PCDHGB4: variants seen among roughly 807,000 people sequenced by gnomAD.
PCDHGB4 encodes the protein protocadherin gamma subfamily B, 4.
Under a neutral mutation model 60.5 loss-of-function variants are expected in PCDHGB4, and 38 were observed. That is an observed-to-expected ratio of 0.63 (90% CI 0.48 to 0.82). The LOEUF (loss-of-function observed/expected upper bound fraction) is 0.82, where lower values mean the gene tolerates loss of function less well. Among genes scored for constraint, PCDHGB4 ranks in the 40% least tolerant of loss-of-function variants. The pLI, the probability that PCDHGB4 is intolerant of heterozygous loss-of-function variation, is 0.00. For missense variants in PCDHGB4, 1,109 were observed against 1,209.6 expected (o/e 0.92, Z 1.23); for synonymous variants, 456 against 509.7 (o/e 0.89, Z 1.42).
At chr5:141,450,006 C>CTTTTTT (rs1554136305) in intron 1 of PCDHGB4, among the ~76,000 whole-genome samples, 15 of 132,950 alleles carry the variant, frequency 1.1e-4, no homozygotes, top group African/African-American at 2.0e-4. Context: ...TGCCATGTCT[C>CTTTTTT]TTTTTTTTTT....
chr5:141,506,834 C>T (rs2099856597), intron 3 of PCDHGB4, among the ~76,000 whole-genome samples: 1 of 152,140 alleles, frequency 6.6e-6, no homozygotes, highest in Non-Finnish European at 1.5e-5. Flanking sequence ...ACTGATAGCC[C>T]TGCCCTCCAG....
In PCDHGB4 at chr5:141,390,069, C is replaced by A; in HGVS notation, c.2185C>A (p.Leu729Ile). 6.2e-7 allele frequency: 1 copy of A among 1,614,076 alleles called. No individual in the cohort carries two copies. Among genetic ancestry groups the A allele is most frequent in the Non-Finnish European group, 8.5e-7 (1 of 1,179,914 alleles). The change falls in exon 1 of 4, where the codon CTC (leucine) becomes ATC (isoleucine). Residue 729 changes from leucine (L) to isoleucine (I), a missense_variant. Coordinates refer to ENST00000519479, the MANE Select transcript of PCDHGB4 (RefSeq NM_003736.4). ...CTCCTGGAGCTGCTTCCAGCCTGGT[C>A]TCTGTGTTAAATCCGAATCCGTGGT... is the stretch of plus-strand genomic sequence containing the variant. ...PASWSCFQPG[L>I]CVKSESVVPP...
In PCDHGB4 at chr5:141,432,249, A is replaced by G; in HGVS notation, c.2397+41968A>G. The G allele has an allele frequency of 6.2e-7, 1 of 1,614,206 alleles. No individual in the cohort carries two copies. Among genetic ancestry groups the G allele is most frequent in the Non-Finnish European group, 8.5e-7 (1 of 1,180,044 alleles). On this transcript the variant is annotated intron_variant, in intron 1 of 3. Coordinates refer to ENST00000519479, the MANE Select transcript of PCDHGB4 (RefSeq NM_003736.4). The surrounding 1 kb of genome is among the most constrained non-coding windows in gnomAD (Gnocchi z 6.0). ...TATTCCCTGGCTGAGAACACCATCC[A>G]AGGGGCAAGCCTATCGTCCTACGTG...
chr5:141,427,671 A>T (rs1441504057), intron 1 of PCDHGB4: 1 of 798,486 alleles, frequency 1.3e-6, no homozygotes, highest in East Asian at 2.6e-5. Flanking sequence ...GGCCGAAAAC[A>T]ACCTTCCCGG....
intron 1 of PCDHGB4, chr5:141,399,640 G>C: frequency 2.5e-6 from 4 of 1,613,836 alleles, no homozygotes; most frequent in Non-Finnish European, 3.4e-6. Flanking sequence ...GTCCATGAGC[G>C]CGCAAAGTGG....
rs1048686904 is a variant in PCDHGB4, at chr5:141,410,286, C to T, written c.2397+20005C>T. 3.7e-6 allele frequency: 6 copies of T among 1,613,916 alleles called. No homozygotes were observed. The African/African-American group carries it at 6.7e-5, about 18-fold the overall frequency. On this transcript the variant is annotated intron_variant, in intron 1 of 3. Transcript: ENST00000519479. Reference sequence around the variant, plus strand: ...GAACTGCAGTTTTACCTGGTGGTGGCCTTGGCCTTAATCTCAGTGCTCTTC... The same window carrying T: ...GAACTGCAGTTTTACCTGGTGGTGGTCTTGGCCTTAATCTCAGTGCTCTTC...
intron 1 of PCDHGB4, chr5:141,478,511 C>CA: frequency 3.1e-6 from 5 of 1,611,778 alleles, no homozygotes; most frequent in Non-Finnish European, 4.2e-6. Context: ...GTTCTATAGG[C>CA]AGGTGTTGGG....
intron 1 of PCDHGB4, among the ~76,000 whole-genome samples, chr5:141,453,176 C>T (rs1225418058): frequency 6.6e-6 from 1 of 152,042 alleles, no homozygotes; most frequent in Non-Finnish European, 1.5e-5. Flanking sequence ...TCCAGTGGTA[C>T]AATCACAGCT....
chr5:141,476,951 A>C lies in PCDHGB4; in HGVS notation c.2398-17856A>C. On this transcript the variant is annotated intron_variant, in intron 1 of 3. Coordinates refer to ENST00000519479, the MANE Select transcript of PCDHGB4 (RefSeq NM_003736.4). The surrounding 1 kb of genome is among the most constrained non-coding windows in gnomAD (Gnocchi z 7.6). ...TCTGGATGAAGGCCCCAACGGTGAA[A>C]TTATTTACTCCTTCGGCAGCCACAA... 6.2e-7 allele frequency: 1 copy of C among 1,614,184 alleles called. No individual in the cohort carries two copies. Among genetic ancestry groups the C allele is most frequent in the South Asian group, 1.1e-5 (1 of 91,088 alleles).
chr5:141,422,272 A>T, intron 1 of PCDHGB4: 13 of 1,561,362 alleles, frequency 8.3e-6, no homozygotes, highest in Non-Finnish European at 1.1e-5. Context: ...TCCAGAAATA[A>T]CTATCACCTC....
chr5:141,423,594 C>A, intron 1 of PCDHGB4: 1 of 1,599,308 alleles, frequency 6.3e-7, no homozygotes, highest in South Asian at 1.1e-5. Context: ...GTGAGAAAAG[C>A]GAGCCACTCT....
At chr5:141,398,775 C>T in intron 1 of PCDHGB4, 1 of 1,613,926 alleles carries the variant, frequency 6.2e-7, no homozygotes, top group African/African-American at 1.3e-5. Flanking sequence ...CTGCCTTGGA[C>T]GGTGGACATC....
chr5:141,487,810 C>G lies in PCDHGB4; in HGVS notation c.2398-6997C>G, dbSNP rs377060474. ...ATTAACCAGAGTTGTCACAGTTTAGCATTGGGGGCGGGTCATGCCTATATC... is the reference window on the plus strand; with the variant it reads ...ATTAACCAGAGTTGTCACAGTTTAGGATTGGGGGCGGGTCATGCCTATATC... On this transcript the variant is annotated intron_variant, in intron 1 of 3. Coordinates refer to ENST00000519479, the MANE Select transcript of PCDHGB4 (RefSeq NM_003736.4). The surrounding 1 kb of genome is among the most constrained non-coding windows in gnomAD (Gnocchi z 5.0). 7.1e-7 allele frequency: 1 copy of G among 1,417,854 alleles called. No homozygotes were observed. The highest frequency in any genetic ancestry group is 2.1e-5 in the Admixed American group (1 of 47,076). The allele number at this position is 1,417,854 out of a possible 1,614,324, so 87.8% of individuals were successfully genotyped here.
intron 1 of PCDHGB4, chr5:141,427,949 C>T (rs2097092193): frequency 1.3e-6 from 2 of 1,586,882 alleles, no homozygotes; most frequent in South Asian, 1.1e-5. Context: ...ACCTCAATGA[C>T]AATGTGCCGC....
intron 1 of PCDHGB4, among the ~76,000 whole-genome samples, chr5:141,450,267 C>T (rs971441306): frequency 4.6e-5 from 7 of 152,106 alleles, no homozygotes; most frequent in African/African-American, 1.7e-4. Context: ...ATCTGCCCAC[C>T]TCAGCTAAGT....
rs140779776 is a variant in PCDHGB4 at position 141,412,904 on chromosome 5, C to T, written c.2397+22623C>T. On this transcript the variant is annotated intron_variant, in intron 1 of 3. Transcript: ENST00000519479. ...CAACAGAATAGTTTACTTTCCATTG[C>T]ATGTATCACTTGGGTGCAGTAACTT... The T allele has an allele frequency of 4.0e-4, 150 of 378,712 alleles. 3 individuals carry two copies. In the East Asian group the frequency reaches 6.1e-3, roughly 15 times the overall value. 23.5% of individuals were successfully genotyped at this position (378,712 alleles called of 1,614,324 possible).
chr5:141,391,314 T>C (rs2092347404), intron 1 of PCDHGB4: 1 of 151,522 alleles, frequency 6.6e-6, no homozygotes, highest in Non-Finnish European at 1.5e-5. Flanking sequence ...TTCTTTTTTT[T>C]TTCTTTTTTT....
At chr5:141,420,006 G>T in intron 1 of PCDHGB4, 1 of 1,614,052 alleles carries the variant, frequency 6.2e-7, no homozygotes, top group Non-Finnish European at 8.5e-7. Flanking sequence ...CTACGCCTGC[G>T]ACAGTCTTTC....
At position 141,505,495 on chromosome 5, in the gene PCDHGB4, G is replaced by A. The variant is rs767547572; in HGVS notation, c.2545+14G>A. On this transcript the variant is annotated intron_variant, in intron 3 of 3. Transcript: ENST00000519479. ...CGTCCGCCAGTGGTAAGTGGTGTCA[G>A]TGTGTGTATGGAAGAGTGGGAGACC... The A allele has an allele frequency of 7.9e-5, 128 of 1,614,092 alleles. No homozygotes were observed. Among genetic ancestry groups the A allele is most frequent in the Non-Finnish European group, 1.0e-4 (123 of 1,180,008 alleles).
Sources: gnomAD v4.1 joint callset for allele counts (sites outside exome capture counted in the v4.1 genomes callset) on GRCh38, gnomAD v4.1.1 for gene constraint, Gnocchi (gnomAD v3.1) non-coding constraint, MANE v1.5 for transcripts, NCBI Gene and HGNC (gene_info 2026-07-23, HGNC 2026-07-21) for gene names.